Variants in EYS observed in about 807,000 individuals in gnomAD.
EYS encodes the protein EGF-like photoreceptor maintenance factor.
EYS carries 250 observed loss-of-function variants against 282.1 expected under a neutral mutation model. That is an observed-to-expected ratio of 0.89 (90% CI 0.80 to 0.98). The LOEUF is 0.98. EYS is among the 50% of genes least tolerant of loss of function. The pLI is 0.00. For synonymous variants in EYS, 1,355 were observed against 1,282.9 expected (o/e 1.06, Z -1.20); for missense variants, 4,016 against 3,709.0 (o/e 1.08, Z -2.15).
rs1057391795 is a variant in EYS, at chr6:63,866,875, C to A, written c.7056-2517G>T. On this transcript the variant is annotated intron_variant, in intron 35 of 42. Coordinates refer to ENST00000503581, the MANE Select transcript of EYS (RefSeq NM_001142800.2). ...CCAGATGATGGCACTTCAAATTGTA[C>A]CTCAAAGTTCCAAAAGACTTCTTGG... 3.3e-5 allele frequency among the ~76,000 whole-genome samples: 5 copies of A among 152,162 alleles called. No homozygotes were observed. The East Asian group carries it at 9.6e-4, about 29-fold the overall frequency.
chr6:64,894,800 C>T (rs187016186), intron 18 of EYS, among the ~76,000 whole-genome samples: 27 of 152,264 alleles, frequency 1.8e-4, no homozygotes, highest in African/African-American at 6.5e-4. Flanking sequence ...TGCAATGCTA[C>T]TGATCCACCA....
chr6:64,560,890 A>T (rs977772677), intron 26 of EYS, among the ~76,000 whole-genome samples: 5 of 152,108 alleles, frequency 3.3e-5, no homozygotes, highest in African/African-American at 1.2e-4. Flanking sequence ...CACAGCAAAA[A>T]AAGAAAACTT....
intron 12 of EYS, among the ~76,000 whole-genome samples, chr6:65,281,426 A>G (rs1190570494): frequency 6.6e-6 from 1 of 152,124 alleles, no homozygotes; most frequent in African/African-American, 2.4e-5. Context: ...GTCTCTGTCT[A>G]GTCACTGAAA....
At chr6:64,844,081 T>G (rs1363743114) in intron 19 of EYS, among the ~76,000 whole-genome samples, 2 of 152,118 alleles carry the variant, frequency 1.3e-5, no homozygotes, top group African/African-American at 4.8e-5. Flanking sequence ...CCACCATGAT[T>G]CTGAGGCCTT....
At chr6:64,588,369 C>T (rs957317588) in intron 26 of EYS, among the ~76,000 whole-genome samples, 5 of 152,082 alleles carry the variant, frequency 3.3e-5, no homozygotes, top group Admixed American at 2.0e-4. Flanking sequence ...ATTCTACCCT[C>T]TAAACACTAG....
chr6:64,259,608 A>G (rs1439911485), intron 30 of EYS, among the ~76,000 whole-genome samples: 1 of 151,324 alleles, frequency 6.6e-6, no homozygotes, highest in Non-Finnish European at 1.5e-5. Flanking sequence ...AATCACATTG[A>G]CCAACCTACC....
intron 41 of EYS, among the ~76,000 whole-genome samples, chr6:63,755,487 GTC>G (rs1195432407): frequency 6.6e-6 from 1 of 152,054 alleles, no homozygotes; most frequent in Admixed American, 6.6e-5. Context: ...CTATTGGTCT[GTC>G]TCTCTGTTTT....
chr6:64,462,408 C>A (rs895973272), intron 26 of EYS, among the ~76,000 whole-genome samples: 2 of 152,152 alleles, frequency 1.3e-5, no homozygotes, highest in African/African-American at 2.4e-5. Flanking sequence ...ATGCAGAATT[C>A]TCTGACATAT....
intron 22 of EYS, among the ~76,000 whole-genome samples, chr6:64,656,015 ACAGCATCACTTT>A (rs1768730667): frequency 1.3e-5 from 2 of 152,126 alleles, no homozygotes; most frequent in African/African-American, 4.8e-5. Flanking sequence ...TGAAAAGTTA[ACAGCATCACTTT>A]TATGTTTGCT....
intron 22 of EYS, among the ~76,000 whole-genome samples, chr6:64,679,849 C>A (rs1010591175): frequency 1.3e-5 from 2 of 152,024 alleles, no homozygotes; most frequent in South Asian, 2.1e-4. Flanking sequence ...TGTATTGTAA[C>A]CTTTTTATTC....
At chr6:64,203,489 T>C (rs1582422461) in intron 31 of EYS, among the ~76,000 whole-genome samples, 2 of 152,138 alleles carry the variant, frequency 1.3e-5, no homozygotes, top group African/African-American at 4.8e-5. Flanking sequence ...GGAGAATTAT[T>C]TGGGTCCCCT....
rs543085971 is a variant in EYS, at chr6:64,962,221, T to A, written c.2260-16307A>T. Among the ~76,000 whole-genome samples, 8 of 152,216 alleles carry A rather than the reference T, an allele frequency of 5.3e-5. No individual in the cohort carries two copies. The South Asian group carries it at 1.7e-3, about 32-fold the overall frequency. Reference sequence around the variant, plus strand: ...TCTTCACTTTTCAGCATAAACACCATCATAAGGGGGTTTCCAAAAACTACA... The same window carrying A: ...TCTTCACTTTTCAGCATAAACACCAACATAAGGGGGTTTCCAAAAACTACA... On this transcript the variant is annotated intron_variant, in intron 14 of 42. Transcript: ENST00000503581.
chr6:64,301,584 C>G (rs1769238713), intron 30 of EYS, among the ~76,000 whole-genome samples: 1 of 152,094 alleles, frequency 6.6e-6, no homozygotes, highest in African/African-American at 2.4e-5. Context: ...CAATCAGTTG[C>G]TAGGTTATGA....
rs1298198390 is a variant in EYS, at chr6:64,085,334, G to A, written c.6425-3332C>T. 9.9e-4 allele frequency among the ~76,000 whole-genome samples: 69 copies of A among 69,688 alleles called. 1 individual carries two copies. The highest frequency in any genetic ancestry group is 4.1e-3 in the African/African-American group (61 of 14,866). The allele number at this position is 69,688 out of a possible 152,430, so 45.7% of individuals were successfully genotyped here. A position where few individuals can be genotyped will look rare whatever the true frequency, so the allele number is the denominator to read the frequency against. ...TCCAGACGCGCGCGCGTGCGCACGT[G>A]CGCGCGCACACACACACACACACAC... On this transcript the variant is annotated intron_variant, in intron 31 of 42. Coordinates refer to ENST00000503581, the MANE Select transcript of EYS (RefSeq NM_001142800.2).
At chr6:64,019,788 T>G (rs1370755515) in intron 33 of EYS, among the ~76,000 whole-genome samples, 1 of 148,038 alleles carries the variant, frequency 6.8e-6, no homozygotes, top group Non-Finnish European at 1.5e-5. Flanking sequence ...AATAGTTGAA[T>G]TTGGAGATGA....
At chr6:63,882,548 T>C (rs1773159641) in intron 35 of EYS, among the ~76,000 whole-genome samples, 2 of 152,218 alleles carry the variant, frequency 1.3e-5, no homozygotes. Flanking sequence ...TGCTAGGCAC[T>C]GTACAACTGT....
At chr6:64,740,816 C>G (rs1277681459) in intron 22 of EYS, among the ~76,000 whole-genome samples, 1 of 151,990 alleles carries the variant, frequency 6.6e-6, no homozygotes, top group Non-Finnish European at 1.5e-5. Context: ...TGGGTTCACA[C>G]CATTCTCCTG....
intron 12 of EYS, among the ~76,000 whole-genome samples, chr6:65,227,693 GAATA>G (rs897149687): frequency 1.3e-5 from 2 of 151,894 alleles, no homozygotes; most frequent in Non-Finnish European, 2.9e-5. Context: ...ATTGATGAAT[GAATA>G]AACAAAATGT....
At chr6:64,048,674 GC>G (rs1770706906) in intron 33 of EYS, among the ~76,000 whole-genome samples, 1 of 150,228 alleles carries the variant, frequency 6.7e-6, no homozygotes. Flanking sequence ...ATTATGAAGT[GC>G]CCATGTTCAT....
Sources: allele counts gnomAD v4.1 joint callset (sites outside exome capture counted in the v4.1 genomes callset), GRCh38; gene constraint gnomAD v4.1.1; transcripts MANE v1.5; gene names NCBI Gene and HGNC (gene_info 2026-07-23, HGNC 2026-07-21).